TMEM135: variants seen among roughly 807,000 people sequenced by gnomAD.
TMEM135 encodes peroxisomal membrane protein 52.
A neutral mutation model predicts 60.3 loss-of-function variants in TMEM135; 30 were observed. The observed-to-expected ratio is 0.50, with a 90% CI of 0.37 to 0.68. TMEM135 has a LOEUF of 0.68. TMEM135 is among the 30% of genes least tolerant of loss of function. The probability of loss-of-function intolerance (pLI) is 0.00; values close to 1 mark genes in which losing one functional copy is unlikely to be tolerated. For missense variants in TMEM135, 468 were observed against 548.8 expected (o/e 0.85, Z 1.47); for synonymous variants, 190 against 186.7 (o/e 1.02, Z -0.14).
chr11:87,259,382 GTGTGTA>G (rs1359105335), intron 6 of TMEM135: 24 of 298,794 alleles, frequency 8.0e-5, no homozygotes, highest in Non-Finnish European at 1.4e-4. Context: ...TTTTATGTGT[GTGTGTA>G]TATGTGTATG....
intron 4 of TMEM135, chr11:87,121,287 C>G (rs1858049285): frequency 6.6e-6 from 1 of 152,026 alleles, no homozygotes; most frequent in Admixed American, 6.6e-5. Flanking sequence ...TATTGTACAC[C>G]TATGTACCAG....
Position 87,071,549 on chromosome 11 carries a change from G to A in TMEM135, c.296G>A (p.Trp99Ter), listed in dbSNP as rs1329506953. 6.2e-7 allele frequency: 1 copy of A among 1,613,924 alleles called. No individual in the cohort carries two copies. Among genetic ancestry groups the A allele is most frequent in the South Asian group, 1.1e-5 (1 of 91,066 alleles). The change falls in exon 3 of 15, where the codon TGG becomes TAG. Residue 99 changes from tryptophan to a stop codon, truncating the protein, a stop_gained. Transcript: ENST00000305494. LOFTEE classifies it high-confidence loss of function. The part of the protein sequence containing the change: ...LRKILGKFYS[W>*]TPGFGAALPA... ...AAGATACTTGGAAAATTCTACTCAT[G>A]GACTCCTGGCTTTGGTGCCGCTCTG...
Position 87,259,932 on chromosome 11 carries a change from G to T in TMEM135, c.509+23248G>T, listed in dbSNP as rs529569431. ...TACTGGTAGGGCCTTGATGGTGGCT[G>T]AGTGCTGGCTGTTTATCATGTTCCT... On this transcript the variant is annotated intron_variant, in intron 6 of 14. Transcript: ENST00000305494. Among the ~76,000 whole-genome samples, 9 of 152,282 alleles carry T rather than the reference G, an allele frequency of 5.9e-5. No individual in the cohort carries two copies. The East Asian group carries it at 1.5e-3, about 26-fold the overall frequency.
intron 8 of TMEM135, among the ~76,000 whole-genome samples, chr11:87,305,274 G>A (rs1215803397): frequency 6.6e-6 from 1 of 151,892 alleles, no homozygotes; most frequent in Non-Finnish European, 1.5e-5. Flanking sequence ...AAAAGACTTG[G>A]CAGAGTATAT....
chr11:87,096,299 A>C (rs2135176131), intron 4 of TMEM135: 1 of 265,036 alleles, frequency 3.8e-6, no homozygotes, highest in South Asian at 5.2e-5. Flanking sequence ...GAACTTGTTC[A>C]CCTTTTCTTA....
intron 6 of TMEM135, among the ~76,000 whole-genome samples, chr11:87,256,557 A>G (rs1591145035): frequency 6.6e-6 from 1 of 152,192 alleles, no homozygotes; most frequent in South Asian, 2.1e-4. Context: ...AGGAAGCTTC[A>G]TATAGAGACA....
rs1412478743 is a variant in TMEM135, at chr11:87,243,655, G to A, written c.509+6971G>A. Among the ~76,000 whole-genome samples the A allele has an allele frequency of 2.5e-5, 2 of 79,550 alleles. 1 individual carries two copies. Among genetic ancestry groups the A allele is most frequent in the Admixed American group, 2.2e-4 (2 of 9,282 alleles). The allele number at this position is 79,550 out of a possible 152,430, so 52.2% of individuals were successfully genotyped here. On this transcript the variant is annotated intron_variant, in intron 6 of 14. Transcript: ENST00000305494. The stretch of plus-strand genomic sequence containing the variant: ...TCACTCATGATTTGGCTCTCTGTTT[G>A]TCTGTTATTTGTGTATAAGAATGCT...
chr11:87,323,086 G>C lies in TMEM135; in HGVS notation c.*1753G>C. ...TATATTTTCCTGTCAGGTTTAAAAA[G>C]ATGTTTTAATTCATAAATTATTGTT... On this transcript the variant is annotated 3_prime_UTR_variant, in exon 15 of 15. Transcript: ENST00000305494. 1 of 453,798 alleles carries C rather than the reference G, an allele frequency of 2.2e-6. No homozygotes were observed. Among genetic ancestry groups the C allele is most frequent in the South Asian group, 1.6e-5 (1 of 64,160 alleles). The allele number at this position is 453,798 out of a possible 1,614,324, so 28.1% of individuals were successfully genotyped here.
At chr11:87,038,327 CG>C in intron 1 of TMEM135, 141 bp downstream of exon 1, 1 of 349,706 alleles carries the variant, frequency 2.9e-6, no homozygotes, top group Non-Finnish European at 4.3e-6. Context: ...TTTGGGGGGT[CG>C]GTAGGGGGAA....
At chr11:87,177,045 A>G (rs762604222) in intron 5 of TMEM135, among the ~76,000 whole-genome samples, 1 of 152,176 alleles carries the variant, frequency 6.6e-6, no homozygotes, top group Non-Finnish European at 1.5e-5. Flanking sequence ...AATGGATTGT[A>G]AAATCATCAA....
intron 4 of TMEM135, among the ~76,000 whole-genome samples, chr11:87,102,094 A>G (rs1857471103): frequency 6.6e-6 from 1 of 152,242 alleles, no homozygotes; most frequent in African/African-American, 2.4e-5. Flanking sequence ...ACACCAGCTT[A>G]GTGTCCTCTA....
At chr11:87,059,356 G>C (rs1463550562) in intron 1 of TMEM135, among the ~76,000 whole-genome samples, 6 of 149,702 alleles carry the variant, frequency 4.0e-5, no homozygotes, top group African/African-American at 1.5e-4. Context: ...CCAGGCTGAA[G>C]TGCAATGGCG....
intron 5 of TMEM135, among the ~76,000 whole-genome samples, chr11:87,229,784 T>A (rs946463659): frequency 1.3e-5 from 2 of 152,190 alleles, no homozygotes; most frequent in African/African-American, 4.8e-5. Context: ...GATGTGTATC[T>A]ATGTACAAAG....
intron 2 of TMEM135, among the ~76,000 whole-genome samples, chr11:87,069,456 G>T (rs988717571): frequency 2.0e-5 from 3 of 152,114 alleles, no homozygotes; most frequent in Non-Finnish European, 2.9e-5. Context: ...AAGAACTCAT[G>T]AGGTGGTTGA....
At chr11:87,096,557 TA>T (rs1857334576) in intron 4 of TMEM135, 2 of 152,288 alleles carry the variant, frequency 1.3e-5, no homozygotes, top group Admixed American at 1.3e-4. Flanking sequence ...TTGGAATAGT[TA>T]AAACCATGTT....
intron 5 of TMEM135, among the ~76,000 whole-genome samples, chr11:87,180,397 A>G (rs1939486301): frequency 1.3e-5 from 2 of 152,120 alleles, no homozygotes; most frequent in African/African-American, 4.8e-5. Flanking sequence ...ATGCAGTTGC[A>G]GAAAGTATAT....
chr11:87,083,399 GCTGTGGAATTTGCTTTGATATT>G (rs1220226262), intron 3 of TMEM135, among the ~76,000 whole-genome samples: 1 of 152,184 alleles, frequency 6.6e-6, no homozygotes, highest in East Asian at 1.9e-4. Context: ...TTGTAGAATT[GCTGTGGAATTTGCTTTGATATT>G]TAGTATTAGT....
At position 87,112,881 on chromosome 11, in the gene TMEM135, A is replaced by G. The variant is rs559323051; in HGVS notation, c.396+21486A>G. 2.0e-3 allele frequency among the ~76,000 whole-genome samples: 306 copies of G among 152,196 alleles called. 2 individuals carry two copies. Among genetic ancestry groups the G allele is most frequent in the Middle Eastern group, 0.014 (4 of 294 alleles). The stretch of plus-strand genomic sequence containing the variant: ...CTCAGCAGATTTTCATGAAAATAAC[A>G]TAAGTTTAACACTGAATTGTACTGC... On this transcript the variant is annotated intron_variant, in intron 4 of 14. Transcript: ENST00000305494.
intron 4 of TMEM135, among the ~76,000 whole-genome samples, chr11:87,118,123 A>G (rs920117106): frequency 6.6e-6 from 1 of 152,130 alleles, no homozygotes; most frequent in South Asian, 2.1e-4. Context: ...TGGGCTTAAA[A>G]TATTCAGTAA....
Sources: gnomAD v4.1 joint callset for allele counts (sites outside exome capture counted in the v4.1 genomes callset) on GRCh38, gnomAD v4.1.1 for gene constraint, MANE v1.5 for transcripts, NCBI Gene and HGNC (gene_info 2026-07-23, HGNC 2026-07-21) for gene names.